Variants in PCDH15 observed in about 807,000 individuals in gnomAD.
PCDH15 encodes protocadherin-15.
Under a neutral mutation model 178.5 loss-of-function variants are expected in PCDH15, and 129 were observed. The observed-to-expected ratio is 0.72, with a 90% confidence interval of 0.63 to 0.84. The LOEUF is 0.84. PCDH15 is among the 40% of genes least tolerant of loss of function. The pLI, the probability that PCDH15 is intolerant of heterozygous loss-of-function variation, is 0.00. For missense variants in PCDH15, 2,230 were observed against 2,099.9 expected, an observed-to-expected ratio of 1.06 and a Z score of -1.21; for synonymous variants, 800 against 732.0, an observed-to-expected ratio of 1.09 and a Z score of -1.50.
intron 1 of PCDH15, among the ~76,000 whole-genome samples, chr10:55,252,536 C>A (rs1841866297): frequency 6.6e-6 from 1 of 151,984 alleles, no homozygotes; most frequent in South Asian, 2.1e-4. Flanking sequence ...CCTTAGAAAT[C>A]CAAAGTTTTT....
chr10:55,077,894 T>C (rs746342016), intron 2 of PCDH15, among the ~76,000 whole-genome samples: 24 of 152,220 alleles, frequency 1.6e-4, no homozygotes, highest in Non-Finnish European at 1.5e-4. Context: ...CTTCTTTATT[T>C]GTGTCATTAC....
chr10:54,671,100 G>C (rs889923714), intron 1 of PCDH15, among the ~76,000 whole-genome samples: 2 of 152,054 alleles, frequency 1.3e-5, no homozygotes, highest in African/African-American at 4.8e-5. Context: ...AATATAAAAA[G>C]AGAAGCCCAA....
intron 3 of PCDH15, among the ~76,000 whole-genome samples, chr10:54,390,745 G>A (rs1037396180): frequency 6.6e-5 from 10 of 152,178 alleles, no homozygotes; most frequent in Non-Finnish European, 1.0e-4. Context: ...AGCTCTTGAG[G>A]AAACTGTCCA....
chr10:53,961,198 T>C (rs953805299), intron 22 of PCDH15, among the ~76,000 whole-genome samples: 4 of 152,024 alleles, frequency 2.6e-5, no homozygotes, highest in African/African-American at 7.2e-5. Flanking sequence ...ATACAAGGGG[T>C]ATTTTTTTCA....
intron 15 of PCDH15, among the ~76,000 whole-genome samples, chr10:54,113,666 C>A (rs1325807244): frequency 4.5e-5 from 6 of 133,008 alleles, no homozygotes; most frequent in African/African-American, 1.1e-4. Context: ...ACACGCACAT[C>A]TTAATTTAGA....
intron 2 of PCDH15, among the ~76,000 whole-genome samples, chr10:54,544,100 G>T (rs1032028795): frequency 1.3e-5 from 2 of 152,050 alleles, no homozygotes; most frequent in African/African-American, 2.4e-5. Flanking sequence ...AACCTTGAGA[G>T]AATAATATCC....
At chr10:55,309,414 G>A (rs1022479525) in intron 1 of PCDH15, among the ~76,000 whole-genome samples, 1 of 151,956 alleles carries the variant, frequency 6.6e-6, no homozygotes, top group Non-Finnish European at 1.5e-5. Context: ...CTATTCAAGA[G>A]GTTGAGGTGG....
At chr10:53,848,120 A>G (rs2078100832) in intron 28 of PCDH15, among the ~76,000 whole-genome samples, 1 of 152,024 alleles carries the variant, frequency 6.6e-6, no homozygotes, top group African/African-American at 2.4e-5. Flanking sequence ...TAGGATTAAG[A>G]GAACAGAGGA....
rs141179658 is a variant in PCDH15, at chr10:55,330,573, T to C, written c.-155-163922A>G. On this transcript the variant is annotated intron_variant, in intron 2 of 5. Transcript: ENST00000613346. ...AAGTCCTAATACATTATTGGGAAAT[T>C]ATAGCTGTTATTTTTAACATAAATT... Among the ~76,000 whole-genome samples, 790 of 151,982 alleles carry C rather than the reference T, an allele frequency of 5.2e-3. 11 individuals are homozygous for C. The highest frequency in any genetic ancestry group is 0.018 in the African/African-American group (744 of 41,526).
At chr10:54,442,443 T>TATATATATATATATATAC (rs1565288076) in intron 3 of PCDH15, among the ~76,000 whole-genome samples, 1 of 121,040 alleles carries the variant, frequency 8.3e-6, no homozygotes, top group African/African-American at 3.6e-5. Flanking sequence ...TATATATATA[T>TATATATATATATATATAC]ATATATATAT....
At chr10:55,569,992 A>G (rs1842375281) in intron 2 of PCDH15, among the ~76,000 whole-genome samples, 2 of 152,054 alleles carry the variant, frequency 1.3e-5, no homozygotes, top group South Asian at 4.1e-4. Context: ...GCAAAAACAC[A>G]GACAAATCCA....
chr10:55,370,865 A>T (rs913413382), intron 2 of PCDH15, among the ~76,000 whole-genome samples: 1 of 152,136 alleles, frequency 6.6e-6, no homozygotes, highest in Non-Finnish European at 1.5e-5. Flanking sequence ...TCTCATGCCA[A>T]ACATAGGTAT....
chr10:55,378,722 G>A (rs1042641790), intron 2 of PCDH15, among the ~76,000 whole-genome samples: 2 of 152,010 alleles, frequency 1.3e-5, no homozygotes, highest in African/African-American at 4.8e-5. Flanking sequence ...AAAGAATTAT[G>A]ATCAATACAT....
intron 2 of PCDH15, among the ~76,000 whole-genome samples, chr10:55,000,806 C>G (rs928337042): frequency 6.6e-6 from 1 of 152,158 alleles, no homozygotes; most frequent in Non-Finnish European, 1.5e-5. Context: ...CCCTGACTTC[C>G]CACAACAGAG....
intron 2 of PCDH15, among the ~76,000 whole-genome samples, chr10:55,596,141 T>G (rs1043189451): frequency 6.6e-6 from 1 of 152,056 alleles, no homozygotes; most frequent in African/African-American, 2.4e-5. Flanking sequence ...AGAACCGTCT[T>G]TCTCAGGTTA....
At chr10:54,204,160 A>T (rs1367867618) in intron 10 of PCDH15, among the ~76,000 whole-genome samples, 2 of 152,148 alleles carry the variant, frequency 1.3e-5, no homozygotes, top group Non-Finnish European at 2.9e-5. Context: ...TTTGAAATCA[A>T]AATGTTAATA....
intron 2 of PCDH15, among the ~76,000 whole-genome samples, chr10:55,328,893 A>G (rs1344715880): frequency 7.7e-6 from 1 of 130,452 alleles, no homozygotes; most frequent in Admixed American, 8.5e-5. Context: ...GTGAAAGATG[A>G]CTGTATATTT....
At chr10:55,226,506 T>C (rs1370114267) in intron 1 of PCDH15, among the ~76,000 whole-genome samples, 5 of 151,854 alleles carry the variant, frequency 3.3e-5, no homozygotes. Flanking sequence ...CTCAGCCTCC[T>C]GAGTAGCTGG....
intron 3 of PCDH15, among the ~76,000 whole-genome samples, chr10:54,823,161 C>T (rs925235837): frequency 3.9e-5 from 6 of 151,914 alleles, no homozygotes; most frequent in African/African-American, 1.2e-4. Context: ...GGATTACAGG[C>T]GTGAGCCTGT....
Sources: allele counts gnomAD v4.1 joint callset (sites outside exome capture counted in the v4.1 genomes callset), GRCh38; gene constraint gnomAD v4.1.1; transcripts MANE v1.5; gene names NCBI Gene and HGNC (gene_info 2026-07-23, HGNC 2026-07-21).